Variants in MOSPD1 observed in about 807,000 individuals in gnomAD.
The protein encoded by MOSPD1 is motile sperm domain-containing protein 1.
MOSPD1 carries 5 observed loss-of-function variants against 16.7 expected under a neutral mutation model. The ratio of observed to expected loss-of-function variants is 0.30; its 90% confidence interval spans 0.16 to 0.63. MOSPD1 has a LOEUF of 0.63. Ranked by LOEUF, MOSPD1 falls within the 30% of genes least tolerant of loss-of-function variation. MOSPD1 has a pLI of 0.82. For missense variants in MOSPD1, 104 were observed against 153.6 expected, an observed-to-expected ratio of 0.68 and a Z score of 1.71; for synonymous variants, 67 against 59.2, an observed-to-expected ratio of 1.13 and a Z score of -0.61.
chrX:134,899,904 C>T (rs1467584888), intron 1 of MOSPD1: 1 of 111,629 alleles, frequency 9.0e-6, no homozygotes, highest in Admixed American at 9.6e-5. Flanking sequence ...TGCAGTGACC[C>T]GAGATCACAC....
chrX:134,903,105 C>G (rs887833060), intron 1 of MOSPD1, among the ~76,000 whole-genome samples: 1 of 109,022 alleles, frequency 9.2e-6, no homozygotes, highest in Non-Finnish European at 1.9e-5. Flanking sequence ...TATGCACCAT[C>G]TCATTCTAAA....
chrX:134,905,088 G>C (rs1318472715), intron 1 of MOSPD1, among the ~76,000 whole-genome samples: 1 of 105,192 alleles, frequency 9.5e-6, no homozygotes, highest in Non-Finnish European at 2.0e-5. Flanking sequence ...GGCCGGGCGC[G>C]GTGGCTCACG....
At chrX:134,891,760 C>T in intron 4 of MOSPD1, 120 bp from the exon 5 acceptor site, 1 of 719,903 alleles carries the variant, frequency 1.4e-6, no homozygotes, top group Non-Finnish European at 2.0e-6. Flanking sequence ...CAATTGTTTC[C>T]CCATCATTTT....
chrX:134,889,274 A>G (rs969284406), intron 5 of MOSPD1, 82 bp from the exon 6 acceptor site: 74 of 754,852 alleles, frequency 9.8e-5, no homozygotes, highest in Middle Eastern at 6.1e-4. Context: ...TTGGACCTCA[A>G]TGAACAAATA....
chrX:134,891,708 C>T, intron 4 of MOSPD1, 68 bp from the exon 5 acceptor site: 1 of 1,019,110 alleles, frequency 9.8e-7, no homozygotes, highest in Non-Finnish European at 1.4e-6. Context: ...TTCACAAACA[C>T]TGGCCACCAC....
At position 134,888,565 on chromosome X, in the gene MOSPD1, T is replaced by C. The variant is rs756528273; in HGVS notation, c.*596A>G. The C allele has an allele frequency of 9.0e-6, 1 of 111,709 alleles. No homozygotes were observed. The highest frequency in any genetic ancestry group is 2.8e-4 in the East Asian group (1 of 3,568). The allele number at this position is 111,709 out of a possible 1,213,427, so 9.2% of individuals were successfully genotyped here. A position where few individuals can be genotyped will look rare whatever the true frequency, so the allele number is the denominator to read the frequency against. Reference sequence around the variant, plus strand: ...TTCTTGGTGTCTGGACCACAACCTGTTCTGTAATTCACAAGATTAATTAAA... The same window carrying C: ...TTCTTGGTGTCTGGACCACAACCTGCTCTGTAATTCACAAGATTAATTAAA... On this transcript the variant is annotated 3_prime_UTR_variant, in exon 6 of 6. Coordinates refer to ENST00000370783, the MANE Select transcript of MOSPD1 (RefSeq NM_019556.3).
At chrX:134,912,936 CAAA>C (rs746535932) in intron 1 of MOSPD1, among the ~76,000 whole-genome samples, 16 of 65,576 alleles carry the variant, frequency 2.4e-4, no homozygotes, top group Admixed American at 3.8e-4. Context: ...GACTCTGTCT[CAAA>C]AAAAAAAAAA....
intron 5 of MOSPD1, among the ~76,000 whole-genome samples, chrX:134,889,411 A>C (rs1278761578): frequency 3.6e-5 from 4 of 112,198 alleles, no homozygotes; most frequent in Non-Finnish European, 7.5e-5. Context: ...TAAATCACTA[A>C]TGTCTGGCCA....
rs749111795 is a variant in MOSPD1 at position 134,912,273 on chromosome X, C to T, written c.-102+2909G>A. On this transcript the variant is annotated intron_variant, in intron 1 of 5. Coordinates refer to ENST00000370783, the MANE Select transcript of MOSPD1 (RefSeq NM_019556.3). Reference sequence around the variant, plus strand: ...ATGTTGGTCAGGCTGGTCTCAAACTCCCAACCTCAGGTGATCCGCCTGCCT... The same window carrying T: ...ATGTTGGTCAGGCTGGTCTCAAACTTCCAACCTCAGGTGATCCGCCTGCCT... Among the ~76,000 whole-genome samples the T allele has an allele frequency of 2.7e-5, 3 of 111,721 alleles. No homozygotes were observed. In the South Asian group the frequency reaches 1.1e-3, roughly 42 times the overall value.
chrX:134,896,784 C>T (rs190659844), intron 4 of MOSPD1, 33 bp downstream of exon 4: 1 of 1,091,946 alleles, frequency 9.2e-7, no homozygotes, highest in East Asian at 3.0e-5. Context: ...TGTGTAAGAC[C>T]TCAAAAGGGC....
chrX:134,913,085 T>TA (rs2082981081), intron 1 of MOSPD1, among the ~76,000 whole-genome samples: 1 of 102,118 alleles, frequency 9.8e-6, no homozygotes, highest in Non-Finnish European at 2.0e-5. Context: ...AAATACAAAA[T>TA]AAAGTTGGCT....
At chrX:134,892,748 C>T (rs915585386) in intron 4 of MOSPD1, among the ~76,000 whole-genome samples, 34 of 110,643 alleles carry the variant, frequency 3.1e-4, no homozygotes, top group African/African-American at 9.8e-4. Flanking sequence ...AAAAATTAGC[C>T]GGGTGTGGTG....
intron 1 of MOSPD1, among the ~76,000 whole-genome samples, chrX:134,908,707 C>G (rs2082955464): frequency 8.9e-6 from 1 of 112,118 alleles, no homozygotes; most frequent in Non-Finnish European, 1.9e-5. Context: ...TTGCAAACTA[C>G]TCTGACACAA....
chrX:134,910,942 T>C (rs1237930625), intron 1 of MOSPD1, among the ~76,000 whole-genome samples: 1 of 112,390 alleles, frequency 8.9e-6, no homozygotes, highest in Non-Finnish European at 1.9e-5. Context: ...GGCCCAGCCA[T>C]CTGTTTTAAC....
intron 1 of MOSPD1, among the ~76,000 whole-genome samples, chrX:134,911,764 A>C (rs917908514): frequency 8.9e-6 from 1 of 112,332 alleles, no homozygotes; most frequent in African/African-American, 3.2e-5. Context: ...CTGGTGATCT[A>C]ACCAAGGTAC....
chrX:134,903,711 CA>C (rs772831491), intron 1 of MOSPD1, among the ~76,000 whole-genome samples: 49 of 54,940 alleles, frequency 8.9e-4, no homozygotes, highest in Admixed American at 3.1e-3. Flanking sequence ...GACTCCATCT[CA>C]AAAAAAAAAA....
chrX:134,903,474 G>A (rs1258949745), intron 1 of MOSPD1, among the ~76,000 whole-genome samples: 2 of 109,487 alleles, frequency 1.8e-5, no homozygotes, highest in Non-Finnish European at 3.8e-5. Context: ...TGCTTTGGGA[G>A]GCCGAGGTGG....
Position 134,910,261 on chromosome X carries a change from T to C in MOSPD1, c.-102+4921A>G, listed in dbSNP as rs978054604. On this transcript the variant is annotated intron_variant, in intron 1 of 5. Transcript: ENST00000370783. ...CTCTACTAAAAATACAAAAATGAGCTGGGCATGGTGGCGGGCGCCTGTAAT... is the reference window on the plus strand; with the variant it reads ...CTCTACTAAAAATACAAAAATGAGCCGGGCATGGTGGCGGGCGCCTGTAAT... 6.3e-5 allele frequency among the ~76,000 whole-genome samples: 7 copies of C among 110,796 alleles called. No homozygotes were observed. In the East Asian group the frequency reaches 2.0e-3, roughly 31 times the overall value.
chrX:134,894,457 C>CAAT (rs1199114627), intron 4 of MOSPD1, among the ~76,000 whole-genome samples: 1 of 111,863 alleles, frequency 8.9e-6, no homozygotes, highest in East Asian at 2.8e-4. Flanking sequence ...AAAACAATCT[C>CAAT]AATTAATTTT....
Sources: gnomAD v4.1 joint callset for allele counts (sites outside exome capture counted in the v4.1 genomes callset) on GRCh38, gnomAD v4.1.1 for gene constraint, MANE v1.5 for transcripts, NCBI Gene and HGNC (gene_info 2026-07-23, HGNC 2026-07-21) for gene names.